The following DNAH5 variants were observed in gnomAD, a reference collection of about 807,000 sequenced individuals.
DNAH5 encodes dynein axonemal heavy chain 5.
Under a neutral mutation model 518.2 loss-of-function variants are expected in DNAH5, and 372 were observed. The ratio of observed to expected loss-of-function variants is 0.72; its 90% CI spans 0.66 to 0.78. The LOEUF (loss-of-function observed/expected upper bound fraction) is 0.78, where lower values mean the gene tolerates loss of function less well. Ranked by LOEUF, DNAH5 falls within the 30% of genes least tolerant of loss-of-function variation. The pLI, the probability that DNAH5 is intolerant of heterozygous loss-of-function variation, is 0.00. For synonymous variants in DNAH5, 2,039 were observed against 2,025.9 expected, an observed-to-expected ratio of 1.01 and a Z score of -0.17; for missense variants, 5,523 against 5,687.0, an observed-to-expected ratio of 0.97 and a Z score of 0.93.
intron 1 of DNAH5, among the ~76,000 whole-genome samples, chr5:13,984,869 G>T (rs1782924698): frequency 6.6e-6 from 1 of 152,128 alleles, no homozygotes; most frequent in Non-Finnish European, 1.5e-5. Context: ...AGACAGTGTG[G>T]CAATTCCTCA....
chr5:13,845,387 G>A (rs1765844853), intron 31 of DNAH5, among the ~76,000 whole-genome samples: 1 of 151,806 alleles, frequency 6.6e-6, no homozygotes. Context: ...TTTGGGTTTG[G>A]GTTTCCAAGC....
chr5:13,831,008 T>TAAAC lies in DNAH5; in HGVS notation c.5883-237_5883-234dup, dbSNP rs1235419650. On this transcript the variant is annotated intron_variant, in intron 35 of 78. Transcript: ENST00000265104. ...TAAGTTTAAAAACTCCTTAAAAGGT[T>TAAAC]AAACAGGTTTCTTTACTGCTGAATT... 3.9e-5 allele frequency among the ~76,000 whole-genome samples: 6 copies of TAAAC among 152,352 alleles called. 1 individual carries two copies. Among genetic ancestry groups the TAAAC allele is most frequent in the Non-Finnish European group, 7.3e-5 (5 of 68,030 alleles).
chr5:13,727,543 AAGG>A lies in DNAH5; in HGVS notation c.11994_11996del (p.Leu3999del), dbSNP rs756615107. On this transcript the variant is annotated inframe_deletion, in exon 70 of 79. Coordinates refer to ENST00000265104, the MANE Select transcript of DNAH5 (RefSeq NM_001369.3). ...TTCTGTCAGGACACCAGGATCTAAT[AAGG>A]AGAAGACGTCTGAAGCAGTCAAGAG... The A allele has an allele frequency of 6.2e-7, 1 of 1,613,782 alleles. No individual in the cohort carries two copies. Among genetic ancestry groups the A allele is most frequent in the South Asian group, 1.1e-5 (1 of 91,068 alleles).
intron 1 of DNAH5, among the ~76,000 whole-genome samples, chr5:14,009,403 C>G (rs1451717268): frequency 2.0e-5 from 3 of 152,222 alleles, no homozygotes; most frequent in African/African-American, 4.8e-5. Context: ...AGGGACCCTG[C>G]CTTCCTGCGA....
At chr5:13,884,536 C>T (rs1375901273) in intron 19 of DNAH5, among the ~76,000 whole-genome samples, 5 of 152,162 alleles carry the variant, frequency 3.3e-5, no homozygotes, top group African/African-American at 1.2e-4. Flanking sequence ...CGAGAAGGCA[C>T]TAAATAAACG....
chr5:13,840,938 G>T lies in DNAH5; in HGVS notation c.5677C>A (p.His1893Asn). 1 of 1,614,112 alleles carries T rather than the reference G, an allele frequency of 6.2e-7. No homozygotes were observed. Among genetic ancestry groups the T allele is most frequent in the Non-Finnish European group, 8.5e-7 (1 of 1,179,966 alleles). ...TCAAAGATATCCCTTTGGTGCACAT[G>T]AATAGTAATCAGAGTCTCGTATTTC... ...RVKYETLITI[H>N]VHQRDIFDDL... is the part of the protein sequence containing the mutation. The change falls in exon 34 of 79, where the codon CAT (histidine) becomes AAT (asparagine). Residue 1893 changes from histidine to asparagine, a missense_variant. His to Asn is a moderately conservative substitution (Grantham distance 68). Around this residue, in one of 3 missense-constraint regions of DNAH5, gnomAD observed 5,121 missense variants for 5,223.3 expected, o/e 0.98. Coordinates refer to ENST00000265104, the MANE Select transcript of DNAH5 (RefSeq NM_001369.3).
intron 41 of DNAH5, among the ~76,000 whole-genome samples, chr5:13,818,437 A>C (rs373319581): frequency 6.6e-6 from 1 of 152,250 alleles, no homozygotes; most frequent in Non-Finnish European, 1.5e-5. Context: ...TCTCTGCTGA[A>C]AATACAAAAA....
At chr5:13,917,932 C>T (rs1397130591) in intron 7 of DNAH5, among the ~76,000 whole-genome samples, 1 of 152,182 alleles carries the variant, frequency 6.6e-6, no homozygotes, top group African/African-American at 2.4e-5. Context: ...TAATAACACC[C>T]ATGCAAATAG....
chr5:13,808,755 C>A (rs1216448935), intron 46 of DNAH5, among the ~76,000 whole-genome samples: 4 of 151,720 alleles, frequency 2.6e-5, no homozygotes, highest in Admixed American at 2.6e-4. Context: ...GTCAGGAGAT[C>A]GAGACCATGC....
chr5:13,855,204 A>ATTTT (rs760689764), intron 30 of DNAH5, among the ~76,000 whole-genome samples: 71 of 54,030 alleles, frequency 1.3e-3, no homozygotes, highest in Admixed American at 2.0e-3. Flanking sequence ...TAAATCTTAC[A>ATTTT]TTTTTTTTTT....
At chr5:13,718,173 G>A (rs1295137280) in intron 72 of DNAH5, among the ~76,000 whole-genome samples, 1 of 152,042 alleles carries the variant, frequency 6.6e-6, no homozygotes, top group African/African-American at 2.4e-5. Flanking sequence ...ATTTATTATG[G>A]TTATCAAATA....
At chr5:13,895,716 T>C (rs1773835883) in intron 15 of DNAH5, among the ~76,000 whole-genome samples, 1 of 152,030 alleles carries the variant, frequency 6.6e-6, no homozygotes, top group African/African-American at 2.4e-5. Flanking sequence ...CCAGCCCAGA[T>C]CTCACTCCTG....
intron 47 of DNAH5, 41 bp downstream of exon 47, chr5:13,807,550 C>T (rs1201304698): frequency 6.2e-7 from 1 of 1,603,390 alleles, no homozygotes; most frequent in Non-Finnish European, 8.5e-7. Flanking sequence ...CAAAGTTTAT[C>T]ACAAAATTGG....
In DNAH5 at chr5:13,809,101, T is replaced by C; in HGVS notation, c.7695A>G (p.Pro2565=). ...TTPEYGSILV[P]NVDNVRTDFL... is the part of the protein sequence containing the mutation. ...AGTCAGTCCTCACATTGTCAACATT[T>C]GGCACCAGAATAGAACCATACTCTG... Residue 2565 remains proline, a synonymous_variant, in exon 46 of 79, where the codon CCA becomes CCG. Coordinates refer to ENST00000265104, the MANE Select transcript of DNAH5 (RefSeq NM_001369.3). 1.2e-6 allele frequency: 2 copies of C among 1,614,206 alleles called. No individual in the cohort carries two copies. The highest frequency in any genetic ancestry group is 1.7e-6 in the Non-Finnish European group (2 of 1,180,034).
intron 35 of DNAH5, among the ~76,000 whole-genome samples, chr5:13,836,041 T>C (rs1242726156): frequency 2.6e-5 from 4 of 152,078 alleles, no homozygotes; most frequent in Non-Finnish European, 4.4e-5. Context: ...CCAGGGAGTG[T>C]TGGATTGCCC....
Position 13,809,046 on chromosome 5 carries a change from T to C in DNAH5, c.7750A>G (p.Lys2584Glu). The C allele has an allele frequency of 6.2e-7, 1 of 1,614,170 alleles. No individual in the cohort carries two copies. Among genetic ancestry groups the C allele is most frequent in the Non-Finnish European group, 8.5e-7 (1 of 1,180,010 alleles). Reference sequence around the variant, plus strand: ...TTAATAAAAATTAAAAGTCATACCTTGCCCTGTTTAGCAATGGTTTGAATT... The same window carrying C: ...TTAATAAAAATTAAAAGTCATACCTCGCCCTGTTTAGCAATGGTTTGAATT... ...FLIQTIAKQGKAVLLIGEQGT... is the reference protein window; with the variant it reads ...FLIQTIAKQGEAVLLIGEQGT... The change falls in exon 46 of 79, where the codon AAG (lysine) becomes GAG (glutamate). Residue 2584 changes from lysine to glutamate, a missense_variant and splice_region_variant. Around this residue, in one of 3 missense-constraint regions of DNAH5, gnomAD observed 5,121 missense variants for 5,223.3 expected, o/e 0.98. Transcript: ENST00000265104.
Position 13,864,613 on chromosome 5 carries a change from C to A in DNAH5, c.4380G>T (p.Leu1460Phe), listed in dbSNP as rs267600368. The A allele has an allele frequency of 6.2e-7, 1 of 1,614,134 alleles. No homozygotes were observed. Among genetic ancestry groups the A allele is most frequent in the Admixed American group, 1.7e-5 (1 of 60,006 alleles). The change falls in exon 28 of 79, where the codon TTG (leucine) becomes TTT (phenylalanine). Residue 1460 changes from leucine to phenylalanine, a missense_variant. Physicochemically the swap from Leu to Phe is conservative, Grantham distance 22 (BLOSUM62 0). Coordinates refer to ENST00000265104, the MANE Select transcript of DNAH5 (RefSeq NM_001369.3). ...QNRCRKLPRA[L>F]KDWQAFLDLK... ...GGTCCAAAAAAGCCTGCCAGTCCTTCAAGGCCCGGGGAAGCTTTCGACATC... is the reference window on the plus strand; with the variant it reads ...GGTCCAAAAAAGCCTGCCAGTCCTTAAAGGCCCGGGGAAGCTTTCGACATC...
chr5:13,700,155 C>T (rs533112809), intron 78 of DNAH5, among the ~76,000 whole-genome samples: 40 of 152,322 alleles, frequency 2.6e-4, no homozygotes, highest in African/African-American at 8.7e-4. Flanking sequence ...CTGGTTCAAA[C>T]CTCCAAGCTG....
intron 68 of DNAH5, among the ~76,000 whole-genome samples, chr5:13,733,525 C>A (rs1746907731): frequency 6.6e-6 from 1 of 152,068 alleles, no homozygotes; most frequent in Admixed American, 6.5e-5. Context: ...ATCTTTCTCT[C>A]CAGAGACTCA....
Sources: allele counts gnomAD v4.1 joint callset (sites outside exome capture counted in the v4.1 genomes callset), GRCh38; gene constraint gnomAD v4.1.1; regional missense constraint gnomAD v4.1.1; transcripts MANE v1.5; gene names NCBI Gene and HGNC (gene_info 2026-07-23, HGNC 2026-07-21).